Variants in DAB1 observed in about 807,000 individuals in gnomAD.
The protein encoded by DAB1 is DAB adaptor protein 1, also known as disabled homolog 1.
In DAB1, 15 loss-of-function variants were observed where a neutral mutation model predicts 64.6. The observed-to-expected ratio is 0.23, with a 90% CI of 0.16 to 0.36. The LOEUF is 0.36. Among genes scored for constraint, DAB1 ranks in the 10% least tolerant of loss-of-function variants. DAB1 has a pLI of 1.00. For missense variants in DAB1, 596 were observed against 706.7 expected, an observed-to-expected ratio of 0.84 and a Z score of 1.78; for synonymous variants, 235 against 251.9, an observed-to-expected ratio of 0.93 and a Z score of 0.64.
intron 6 of DAB1, among the ~76,000 whole-genome samples, chr1:57,773,372 C>CACACAG (rs1441237134): frequency 6.6e-6 from 1 of 151,914 alleles, no homozygotes; most frequent in African/African-American, 2.4e-5. Flanking sequence ...CACACACACA[C>CACACAG]ACAGACACGT....
intron 7 of DAB1, among the ~76,000 whole-genome samples, chr1:57,593,983 T>C (rs1198455973): frequency 1.3e-5 from 2 of 152,214 alleles, no homozygotes; most frequent in East Asian, 3.9e-4. Flanking sequence ...GCCTGGGTTG[T>C]ATGCCTTGCC....
chr1:58,445,893 C>G (rs1223539503), intron 3 of DAB1, among the ~76,000 whole-genome samples: 1 of 152,198 alleles, frequency 6.6e-6, no homozygotes, highest in Non-Finnish European at 1.5e-5. Context: ...CCCCAGAGAA[C>G]AGGTCTCCGG....
At chr1:57,243,706 T>G (rs1415017167) in intron 2 of DAB1, among the ~76,000 whole-genome samples, 1 of 152,144 alleles carries the variant, frequency 6.6e-6, no homozygotes, top group Non-Finnish European at 1.5e-5. Context: ...CACTTGGGTC[T>G]CCAGAGAAAT....
intron 6 of DAB1, among the ~76,000 whole-genome samples, chr1:57,746,751 T>C (rs1463489119): frequency 3.9e-5 from 6 of 152,210 alleles, no homozygotes; most frequent in Non-Finnish European, 4.4e-5. Context: ...ATTGTATCAT[T>C]TTTATTTCTA....
chr1:58,500,363 C>A (rs574275492), intron 3 of DAB1, among the ~76,000 whole-genome samples: 2 of 152,132 alleles, frequency 1.3e-5, no homozygotes, highest in Admixed American at 6.6e-5. Context: ...CACTGGCCAA[C>A]AACGACATTT....
intron 4 of DAB1, among the ~76,000 whole-genome samples, chr1:58,340,219 T>C (rs1432161239): frequency 6.6e-6 from 1 of 152,190 alleles, no homozygotes; most frequent in Non-Finnish European, 1.5e-5. Flanking sequence ...CTATAGCGGT[T>C]TTCTTCCTGT....
chr1:57,674,768 A>G (rs753950466), intron 6 of DAB1, among the ~76,000 whole-genome samples: 5 of 152,212 alleles, frequency 3.3e-5, no homozygotes, highest in Non-Finnish European at 5.9e-5. Context: ...TCAGCATGAA[A>G]ATGGGGTACT....
intron 3 of DAB1, among the ~76,000 whole-genome samples, chr1:58,470,591 C>A (rs958925789): frequency 6.6e-6 from 1 of 152,210 alleles, no homozygotes; most frequent in Non-Finnish European, 1.5e-5. Flanking sequence ...ATGTCTGAAG[C>A]ACTGTCTCAT....
chr1:58,039,251 T>G (rs1322127334), intron 5 of DAB1, among the ~76,000 whole-genome samples: 2 of 152,148 alleles, frequency 1.3e-5, no homozygotes, highest in Non-Finnish European at 2.9e-5. Context: ...AGCCCATTTA[T>G]CCACTTGCCC....
intron 7 of DAB1, among the ~76,000 whole-genome samples, chr1:57,572,711 T>TA (rs992991679): frequency 5.3e-5 from 8 of 152,198 alleles, no homozygotes; most frequent in Non-Finnish European, 1.0e-4. Flanking sequence ...GGTAATTTAT[T>TA]AAAAAAAGAG....
intron 5 of DAB1, among the ~76,000 whole-genome samples, chr1:58,078,338 T>C (rs1649780716): frequency 6.6e-6 from 1 of 152,260 alleles, no homozygotes; most frequent in Non-Finnish European, 1.5e-5. Context: ...GATATCACTA[T>C]ACCTGAGTTT....
At chr1:57,875,748 T>C (rs1644034050) in intron 1 of DAB1, among the ~76,000 whole-genome samples, 1 of 152,206 alleles carries the variant, frequency 6.6e-6, no homozygotes, top group Admixed American at 6.5e-5. Flanking sequence ...TGCCGTATTC[T>C]GAAGGGAATT....
At chr1:57,852,574 T>C (rs377373276) in intron 1 of DAB1, among the ~76,000 whole-genome samples, 6 of 151,796 alleles carry the variant, frequency 4.0e-5, no homozygotes, top group African/African-American at 1.4e-4. Context: ...ACCCTCCTCA[T>C]CACCCCACAT....
At chr1:57,752,877 A>G (rs1372124278) in intron 6 of DAB1, among the ~76,000 whole-genome samples, 1 of 152,232 alleles carries the variant, frequency 6.6e-6, no homozygotes, top group Admixed American at 6.5e-5. Flanking sequence ...TAGGCATTCA[A>G]TAAATCTTCC....
intron 4 of DAB1, among the ~76,000 whole-genome samples, chr1:58,228,254 T>G (rs963458823): frequency 1.8e-4 from 28 of 152,212 alleles, no homozygotes; most frequent in African/African-American, 6.8e-4. Flanking sequence ...TAGATTATTT[T>G]TAAAACCGAA....
chr1:58,528,228 A>C (rs1569956558), intron 1 of DAB1, among the ~76,000 whole-genome samples: 1 of 152,334 alleles, frequency 6.6e-6, no homozygotes, highest in South Asian at 2.1e-4. Flanking sequence ...GTCTATTGAT[A>C]ACATAAGGAT....
At chr1:57,889,034 C>T (rs530069234), upstream of DAB1, among the ~76,000 whole-genome samples, 10 of 152,290 alleles carry the variant, frequency 6.6e-5, no homozygotes, top group South Asian at 8.3e-4. Context: ...CTCAGAACGT[C>T]TGTCATGGAA....
At chr1:57,182,166 T>C (rs1302544734) in intron 2 of DAB1, among the ~76,000 whole-genome samples, 1 of 152,186 alleles carries the variant, frequency 6.6e-6, no homozygotes, top group Non-Finnish European at 1.5e-5. Flanking sequence ...ATTACAGGTG[T>C]GAGCCACCGC....
intron 1 of DAB1, among the ~76,000 whole-genome samples, chr1:57,346,574 ATCCT>A (rs1678121098): frequency 6.6e-6 from 1 of 152,112 alleles, no homozygotes; most frequent in Admixed American, 6.5e-5. Context: ...TTTCCTTTAC[ATCCT>A]TTATTTATTG....
Sources: gnomAD v4.1 joint callset for allele counts (sites outside exome capture counted in the v4.1 genomes callset) on GRCh38, gnomAD v4.1.1 for gene constraint, MANE v1.5 for transcripts, NCBI Gene and HGNC (gene_info 2026-07-23, HGNC 2026-07-21) for gene names.